Variants in ZNF695 observed in about 807,000 individuals in gnomAD.
The protein encoded by ZNF695 is zinc finger protein 695.
In ZNF695, 11 loss-of-function variants were observed where a neutral mutation model predicts 11.2. The ratio of observed to expected loss-of-function variants is 0.98; its 90% CI spans 0.62 to 1.62. ZNF695 has a LOEUF of 1.62. Among genes scored for constraint, ZNF695 ranks in the 40% most tolerant of loss-of-function variants. The probability of loss-of-function intolerance (pLI) is 0.00; values close to 1 mark genes in which losing one functional copy is unlikely to be tolerated. For missense variants in ZNF695, 559 were observed against 590.5 expected (o/e 0.95, Z 0.55); for synonymous variants, 190 against 201.4 (o/e 0.94, Z 0.48).
chr1:246,953,014 A>G (rs1667903942), intron 5 of ZNF695, among the ~76,000 whole-genome samples: 1 of 152,118 alleles, frequency 6.6e-6, no homozygotes, highest in South Asian at 2.1e-4. Flanking sequence ...GCCACAATTT[A>G]GAAGGGCATG....
intron 4 of ZNF695, among the ~76,000 whole-genome samples, chr1:246,975,962 A>G (rs1272083025): frequency 6.6e-6 from 1 of 151,840 alleles, no homozygotes; most frequent in Non-Finnish European, 1.5e-5. Context: ...GCAGGAGGGA[A>G]GGAGGAAACG....
intron 4 of ZNF695, among the ~76,000 whole-genome samples, chr1:246,974,147 AACAAACAAAC>A (rs1668496468): frequency 9.0e-6 from 1 of 111,406 alleles, no homozygotes; most frequent in Admixed American, 9.1e-5. Context: ...TGGAATAAAA[AACAAACAAAC>A]AAACAAAAAA....
At chr1:246,961,292 T>C (rs916337350) in intron 5 of ZNF695, among the ~76,000 whole-genome samples, 2 of 152,238 alleles carry the variant, frequency 1.3e-5, no homozygotes, top group African/African-American at 4.8e-5. Context: ...CAGCCTATAA[T>C]GAGCTGTTTA....
chr1:246,996,606 A>G (rs534669598), intron 3 of ZNF695, among the ~76,000 whole-genome samples: 64 of 152,360 alleles, frequency 4.2e-4, no homozygotes, highest in African/African-American at 1.5e-3. Flanking sequence ...TAAAATCTAC[A>G]ATAAAGATGA....
chr1:246,977,445 G>A (rs544638927), intron 4 of ZNF695, among the ~76,000 whole-genome samples: 3 of 152,140 alleles, frequency 2.0e-5, no homozygotes, highest in Non-Finnish European at 4.4e-5. Flanking sequence ...TTTAGTAGAG[G>A]CGGGGTTTTG....
At chr1:246,958,155 T>A (rs1332604247) in intron 5 of ZNF695, among the ~76,000 whole-genome samples, 1 of 150,018 alleles carries the variant, frequency 6.7e-6, no homozygotes, top group Non-Finnish European at 1.5e-5. Context: ...GCCTCCCGGG[T>A]TCACGCCATT....
At position 246,967,127 on chromosome 1, in the gene ZNF695, G is replaced by A. The variant is rs377332282; in HGVS notation, c.488+568C>T. 2.1e-4 allele frequency among the ~76,000 whole-genome samples: 32 copies of A among 152,142 alleles called. No individual in the cohort carries two copies. The East Asian group carries it at 4.1e-3, about 19-fold the overall frequency. ...CTAATTTTGTATTTTTAGTAGAGAC[G>A]GGGTTTCTCCATGTTGGTCAGGCTG... On this transcript the variant is annotated intron_variant, in intron 5 of 5. Transcript: ENST00000487338.
intron 5 of ZNF695, among the ~76,000 whole-genome samples, chr1:246,952,305 T>A (rs1667887746): frequency 6.6e-6 from 1 of 152,242 alleles, no homozygotes; most frequent in African/African-American, 2.4e-5. Flanking sequence ...AGACCACAGA[T>A]GATAATTTCA....
In ZNF695 at chr1:246,963,749, C is replaced by T. The variant is rs528299348; in HGVS notation, c.488+3946G>A. 3.3e-5 allele frequency among the ~76,000 whole-genome samples: 5 copies of T among 152,238 alleles called. No homozygotes were observed. The South Asian group carries it at 6.2e-4, about 19-fold the overall frequency. ...AATGTGTGTGGAGTTTTCCCCACACCGACCAATTCTCCAACACCAGCTGGG... is the reference window on the plus strand; with the variant it reads ...AATGTGTGTGGAGTTTTCCCCACACTGACCAATTCTCCAACACCAGCTGGG... On this transcript the variant is annotated intron_variant, in intron 5 of 5. Transcript: ENST00000487338.
chr1:246,967,674 A>G (rs1213868603), intron 5 of ZNF695: 1 of 358,330 alleles, frequency 2.8e-6, no homozygotes, highest in Admixed American at 3.5e-5. Flanking sequence ...TTTATAAAGA[A>G]AAGAGATTTA....
chr1:246,957,171 A>C (rs1051436919), intron 5 of ZNF695, among the ~76,000 whole-genome samples: 1 of 152,174 alleles, frequency 6.6e-6, no homozygotes, highest in African/African-American at 2.4e-5. Context: ...TCATGAGGTC[A>C]AGAGATGGAG....
chr1:246,947,892 A>C (rs1667778238), intron 5 of ZNF695, among the ~76,000 whole-genome samples: 1 of 152,156 alleles, frequency 6.6e-6, no homozygotes, highest in Non-Finnish European at 1.5e-5. Context: ...AATTATTGCA[A>C]GGAACGGGAC....
intron 4 of ZNF695, among the ~76,000 whole-genome samples, chr1:246,977,381 T>A (rs146879020): frequency 0.011 from 1,699 of 152,280 alleles, 37 homozygotes; most frequent in African/African-American, 0.038. Flanking sequence ...TTCAGCCTCC[T>A]GAGTAGCTGA....
At chr1:246,976,379 AAG>A (rs1385551106) in intron 4 of ZNF695, among the ~76,000 whole-genome samples, 2 of 152,216 alleles carry the variant, frequency 1.3e-5, no homozygotes, top group African/African-American at 4.8e-5. Context: ...ATATGTGCTC[AAG>A]GATCAGTTAT....
At position 246,999,341 on chromosome 1, in the gene ZNF695, C is replaced by T. The variant is rs367866930; in HGVS notation, c.259+7G>A. ...TACCTGTGTTCGCTTCATTCACTCC[C>T]ACCTACCTGAGTGTCTGGCTGTCTT... On this transcript the variant is annotated splice_region_variant and intron_variant, in intron 3 of 3. Transcript: ENST00000339986. 4 of 1,609,478 alleles carry T rather than the reference C, an allele frequency of 2.5e-6. No homozygotes were observed. The highest frequency in any genetic ancestry group is 2.6e-6 in the Non-Finnish European group (3 of 1,175,820).
intron 4 of ZNF695, among the ~76,000 whole-genome samples, chr1:246,972,172 T>G (rs1172387384): frequency 6.6e-6 from 1 of 152,234 alleles, no homozygotes; most frequent in Non-Finnish European, 1.5e-5. Context: ...TGCCACTGAC[T>G]GCCGACTGAA....
intron 5 of ZNF695, among the ~76,000 whole-genome samples, chr1:246,961,765 T>G (rs1016016207): frequency 1.3e-5 from 2 of 152,196 alleles, no homozygotes; most frequent in Non-Finnish European, 2.9e-5. Context: ...TCATTCCCAT[T>G]CTGGAAGGGA....
rs572614256 is a variant in ZNF695 at position 246,958,203 on chromosome 1, T to C, written c.488+9492A>G. Among the ~76,000 whole-genome samples, 7 of 151,522 alleles carry C rather than the reference T, an allele frequency of 4.6e-5. No homozygotes were observed. The East Asian group carries it at 7.8e-4, about 17-fold the overall frequency. ...CCTCCCGAGTACCTGGGACTACAGG[T>C]GCACACCACCACGCCCGGCTAATTT... On this transcript the variant is annotated intron_variant, in intron 5 of 5. Coordinates refer to the ZNF695 transcript ENST00000487338.
chr1:247,001,522 G>A (rs1459762354), intron 1 of ZNF695, among the ~76,000 whole-genome samples: 4 of 151,820 alleles, frequency 2.6e-5, no homozygotes, highest in South Asian at 4.2e-4. Context: ...GACCAGCCTG[G>A]CCAACATAGT....
Sources: allele counts gnomAD v4.1 joint callset (sites outside exome capture counted in the v4.1 genomes callset), GRCh38; gene constraint gnomAD v4.1.1; transcripts MANE v1.5; gene names NCBI Gene and HGNC (gene_info 2026-07-23, HGNC 2026-07-21).